The following EPB41L3 variants were observed in gnomAD, a reference collection of about 807,000 sequenced individuals.
EPB41L3 encodes erythrocyte membrane protein band 4.1 like 3, also known as band 4.1-like protein 3.
A neutral mutation model predicts 127.1 loss-of-function variants in EPB41L3; 57 were observed. The ratio of observed to expected loss-of-function variants is 0.45; its 90% CI spans 0.36 to 0.56. The LOEUF (loss-of-function observed/expected upper bound fraction) is 0.56. Ranked by LOEUF, EPB41L3 falls within the 20% of genes least tolerant of loss-of-function variation. EPB41L3 has a pLI of 0.00. For missense variants in EPB41L3, 1,273 were observed against 1,372.2 expected (o/e 0.93, Z 1.14); for synonymous variants, 572 against 549.5 (o/e 1.04, Z -0.57).
chr18:5,437,460 A>G (rs1412271930), intron 6 of EPB41L3, among the ~76,000 whole-genome samples: 1 of 152,222 alleles, frequency 6.6e-6, no homozygotes, highest in East Asian at 1.9e-4. Flanking sequence ...TTGTTACAGC[A>G]GCCCAGACTA....
At position 5,565,234 on chromosome 18, in the gene EPB41L3, T is replaced by TA. The variant is rs542697365; in HGVS notation, c.-306+47105dup. 9.2e-3 allele frequency among the ~76,000 whole-genome samples: 1,212 copies of TA among 131,774 alleles called. 8 individuals carry two copies. Among genetic ancestry groups the TA allele is most frequent in the African/African-American group, 0.013 (475 of 35,628 alleles). The allele number at this position is 131,774 out of a possible 152,430, so 86.4% of individuals were successfully genotyped here. ...CAACATGGCAAAACCCCATCTCTAC[T>TA]AAAAAAAAAAAAAAAATACATACAA... On this transcript the variant is annotated intron_variant, in intron 3 of 21. Coordinates refer to the EPB41L3 transcript ENST00000545076.
At chr18:5,460,880 T>G (rs1300007305) in intron 3 of EPB41L3, among the ~76,000 whole-genome samples, 1 of 152,220 alleles carries the variant, frequency 6.6e-6, no homozygotes, top group Admixed American at 6.5e-5. Context: ...TCTACATATT[T>G]ATTTTCTCTT....
chr18:5,444,602 T>G (rs1423835454), intron 4 of EPB41L3, among the ~76,000 whole-genome samples: 1 of 152,254 alleles, frequency 6.6e-6, no homozygotes, highest in Non-Finnish European at 1.5e-5. Flanking sequence ...AAACATCTAC[T>G]AAACATATTA....
intron 10 of EPB41L3, 149 bp downstream of exon 10, chr18:5,424,113 T>C: frequency 1.7e-6 from 1 of 579,856 alleles, no homozygotes; most frequent in Non-Finnish European, 2.8e-6. Context: ...CTTTTTCTAG[T>C]TCTCTTAGGA....
chr18:5,503,049 T>A (rs974751712), intron 1 of EPB41L3, among the ~76,000 whole-genome samples: 5 of 152,202 alleles, frequency 3.3e-5, no homozygotes, highest in Non-Finnish European at 7.3e-5. Context: ...TTGACTCACT[T>A]TTTTAGATTT....
intron 3 of EPB41L3, among the ~76,000 whole-genome samples, chr18:5,592,672 G>A (rs1309772648): frequency 6.6e-6 from 1 of 152,182 alleles, no homozygotes; most frequent in Non-Finnish European, 1.5e-5. Context: ...AGAGGCAGAG[G>A]GGTTGGGACA....
chr18:5,579,380 T>G (rs2094368901), intron 3 of EPB41L3, among the ~76,000 whole-genome samples: 1 of 152,218 alleles, frequency 6.6e-6, no homozygotes. Context: ...TCATAGGTGC[T>G]TCTTATTTAA....
At position 5,591,779 on chromosome 18, in the gene EPB41L3, G is replaced by A. The variant is rs547507609; in HGVS notation, c.-306+20561C>T. ...TAAACAAGAAATGTCAAGAGTAAAA[G>A]TAAAGTGAAATCAACAAAAACTTTC... On this transcript the variant is annotated intron_variant, in intron 3 of 21. Coordinates refer to the EPB41L3 transcript ENST00000545076. 3.9e-5 allele frequency among the ~76,000 whole-genome samples: 6 copies of A among 152,282 alleles called. No individual in the cohort carries two copies. In the South Asian group the frequency reaches 1.2e-3, roughly 32 times the overall value.
At chr18:5,565,618 CT>C (rs2094189010) in intron 3 of EPB41L3, among the ~76,000 whole-genome samples, 1 of 120,590 alleles carries the variant, frequency 8.3e-6, no homozygotes, top group African/African-American at 3.3e-5. Flanking sequence ...CCCCTCCCCC[CT>C]CCCCCCACCC....
At chr18:5,512,441 G>C (rs564218970) in intron 1 of EPB41L3, among the ~76,000 whole-genome samples, 70 of 152,184 alleles carry the variant, frequency 4.6e-4, no homozygotes, top group African/African-American at 1.7e-3. Context: ...GGTAAGACAG[G>C]AGGCTCAAGA....
chr18:5,426,439 C>T (rs2078195714), intron 9 of EPB41L3, among the ~76,000 whole-genome samples: 2 of 152,214 alleles, frequency 1.3e-5, no homozygotes, highest in Middle Eastern at 3.2e-3. Flanking sequence ...TCTGAAACCT[C>T]TCTCTTGCAT....
intron 1 of EPB41L3, among the ~76,000 whole-genome samples, chr18:5,518,279 C>A (rs1372500254): frequency 6.6e-6 from 1 of 152,090 alleles, no homozygotes; most frequent in Non-Finnish European, 1.5e-5. Context: ...GCTTCCCTGC[C>A]ACTCCCACCC....
chr18:5,393,203 T>C lies in EPB41L3; in HGVS notation c.*282A>G. 1 of 395,020 alleles carries C rather than the reference T, an allele frequency of 2.5e-6. No individual in the cohort carries two copies. Among genetic ancestry groups the C allele is most frequent in the Non-Finnish European group, 4.5e-6 (1 of 222,506 alleles). 24.5% of individuals were successfully genotyped at this position (395,020 alleles called of 1,614,324 possible). On this transcript the variant is annotated 3_prime_UTR_variant, in exon 23 of 23. Coordinates refer to ENST00000341928, the MANE Select transcript of EPB41L3 (RefSeq NM_012307.5). ...TTGGTTATGAACGTGCAGGTATAGCTGAAAACTGAGACATTTTGTGAAAAT... is the reference window on the plus strand; with the variant it reads ...TTGGTTATGAACGTGCAGGTATAGCCGAAAACTGAGACATTTTGTGAAAAT...
intron 3 of EPB41L3, among the ~76,000 whole-genome samples, chr18:5,584,000 G>T (rs1158959746): frequency 2.6e-5 from 4 of 152,128 alleles, no homozygotes; most frequent in Admixed American, 2.0e-4. Context: ...TAGAGACAGG[G>T]TTTCTCCATG....
In EPB41L3 at chr18:5,419,701, G is replaced by C; in HGVS notation, c.1506+10C>G. On this transcript the variant is annotated intron_variant, in intron 12 of 22. Coordinates refer to ENST00000341928, the MANE Select transcript of EPB41L3 (RefSeq NM_012307.5). ...GGAGCAAGCTCTTGCAGGCAGTCTGGGAGCTATACCTTTCCCTCGTGCCGG... is the reference window on the plus strand; with the variant it reads ...GGAGCAAGCTCTTGCAGGCAGTCTGCGAGCTATACCTTTCCCTCGTGCCGG... The C allele has an allele frequency of 6.2e-7, 1 of 1,613,604 alleles. No individual in the cohort carries two copies. Among genetic ancestry groups the C allele is most frequent in the Non-Finnish European group, 8.5e-7 (1 of 1,179,948 alleles).
chr18:5,429,961 TG>T (rs1220289851), intron 8 of EPB41L3, among the ~76,000 whole-genome samples: 1 of 152,212 alleles, frequency 6.6e-6, no homozygotes, highest in Non-Finnish European at 1.5e-5. Context: ...GAGGACGCAC[TG>T]CCAGAATCAC....
At chr18:5,617,320 A>ATT (rs5822868) in intron 1 of EPB41L3, among the ~76,000 whole-genome samples, 6 of 125,552 alleles carry the variant, frequency 4.8e-5, no homozygotes, top group Admixed American at 8.3e-5. Context: ...TATTATTATT[A>ATT]TTTTTTTTTT....
intron 1 of EPB41L3, among the ~76,000 whole-genome samples, chr18:5,513,647 C>A (rs2092635557): frequency 6.6e-6 from 1 of 152,180 alleles, no homozygotes; most frequent in Non-Finnish European, 1.5e-5. Flanking sequence ...CTTAACTTTT[C>A]TGAGCCTTGG....
At chr18:5,542,356 A>T (rs2093755248) in intron 1 of EPB41L3, among the ~76,000 whole-genome samples, 1 of 152,222 alleles carries the variant, frequency 6.6e-6, no homozygotes, top group South Asian at 2.1e-4. Context: ...TTTCAAAAAC[A>T]ATGTTTTTAA....
Sources: gnomAD v4.1 joint callset for allele counts (sites outside exome capture counted in the v4.1 genomes callset) on GRCh38, gnomAD v4.1.1 for gene constraint, MANE v1.5 for transcripts, NCBI Gene and HGNC (gene_info 2026-07-23, HGNC 2026-07-21) for gene names.